The following MTMR3 variants were observed in gnomAD, a reference collection of about 807,000 sequenced individuals.
MTMR3 encodes the protein myotubularin related protein 3.
A neutral mutation model predicts 132.4 loss-of-function variants in MTMR3; 32 were observed. The observed-to-expected ratio is 0.24, with a 90% CI of 0.18 to 0.32. The LOEUF is 0.32. Among genes scored for constraint, MTMR3 ranks in the 10% least tolerant of loss-of-function variants. The probability of loss-of-function intolerance (pLI) is 1.00; values close to 1 mark genes in which losing one functional copy is unlikely to be tolerated. For missense variants in MTMR3, 1,216 were observed against 1,489.6 expected (o/e 0.82, Z 3.02); for synonymous variants, 556 against 550.3 (o/e 1.01, Z -0.14).
chr22:29,935,954 G>C (rs900846500), intron 1 of MTMR3, among the ~76,000 whole-genome samples: 1 of 151,762 alleles, frequency 6.6e-6, no homozygotes, highest in Non-Finnish European at 1.5e-5. Context: ...GGGTTTCACC[G>C]TATTAGCCAG....
intron 1 of MTMR3, among the ~76,000 whole-genome samples, chr22:29,918,576 T>C (rs190408955): frequency 4.6e-5 from 7 of 152,302 alleles, no homozygotes; most frequent in Admixed American, 2.0e-4. Flanking sequence ...GTAGATGTAG[T>C]GGTGAACAAG....
In MTMR3 at chr22:29,978,458, A is replaced by G; in HGVS notation, c.20A>G (p.His7Arg). 1.2e-6 allele frequency: 2 copies of G among 1,612,794 alleles called. No individual in the cohort carries two copies. Among genetic ancestry groups the G allele is most frequent in the Non-Finnish European group, 1.7e-6 (2 of 1,179,044 alleles). The change falls in exon 4 of 20, where the codon CAC (histidine) becomes CGC (arginine). Residue 7 changes from histidine (H) to arginine (R), a missense_variant. By Grantham distance (29) the His-to-Arg change is conservative. This residue lies in a region of MTMR3 where 81 missense variants were observed against 87.7 expected (regional missense o/e 0.92). Transcript: ENST00000401950. MDEETR[H>R]SLECIQANQI... is the part of the protein sequence containing the mutation. The stretch of plus-strand genomic sequence containing the variant: ...CTTTTCCAGGATGAAGAGACTCGGC[A>G]CAGCCTTGAGTGCATCCAGGCCAAT...
chr22:29,970,804 A>C (rs2066518011), intron 2 of MTMR3, among the ~76,000 whole-genome samples, 172 bp from the exon 3 acceptor site: 1 of 152,002 alleles, frequency 6.6e-6, no homozygotes, highest in Non-Finnish European at 1.5e-5. Flanking sequence ...GACTAGTGGG[A>C]ATTGGCTGGG....
chr22:29,896,869 T>TCA (rs61038012), intron 1 of MTMR3, among the ~76,000 whole-genome samples: 22,358 of 138,076 alleles, frequency 0.16, 1,922 homozygotes, highest in South Asian at 0.29. Context: ...CAGGCTTGTC[T>TCA]CACACACACA....
chr22:29,947,297 G>T (rs1433894865), intron 1 of MTMR3, among the ~76,000 whole-genome samples: 1 of 152,000 alleles, frequency 6.6e-6, no homozygotes, highest in Non-Finnish European at 1.5e-5. Context: ...TTAATTCACA[G>T]GCTTGTTGGC....
At chr22:30,011,308 GT>G (rs2067415538) in intron 12 of MTMR3, 1 of 152,204 alleles carries the variant, frequency 6.6e-6, no homozygotes, top group South Asian at 2.1e-4. Context: ...ATGCAACAGA[GT>G]TTAAAAAGCA....
rs138823197 is a variant in MTMR3, at chr22:30,019,592, C to T, written c.1933C>T (p.Arg645Trp). Residue 645 changes from arginine (R) to tryptophan (W), a missense_variant, in exon 17 of 20, where the codon CGG (arginine) becomes TGG (tryptophan). By Grantham distance (101) the Arg-to-Trp change is moderately radical. This residue lies in a region of MTMR3 where 852 missense variants were observed against 852.0 expected (regional missense o/e 1.00). Coordinates refer to ENST00000401950, the MANE Select transcript of MTMR3 (RefSeq NM_021090.4). ...CCTGAACGAGAAGTGGCAGGAGCAC[C>T]GGCGCTCACTAGAGCTGAGCAGCCT... ...PSLNEKWQEH[R>W]RSLELSSLAG... The T allele has an allele frequency of 3.1e-4, 497 of 1,613,820 alleles. No individual in the cohort carries two copies. The highest frequency in any genetic ancestry group is 6.0e-4 in the East Asian group (27 of 44,894).
At position 30,012,504 on chromosome 22, in the gene MTMR3, A is replaced by G. The variant is rs1278503980; in HGVS notation, c.1258A>G (p.Thr420Ala). ...ACACTGCTCAGATGGCTGGGACCGC[A>G]CCCCCCAGATTGTGGCATTGGCTAA... ...LVHCSDGWDR[T>A]PQIVALAKLL... is the part of the protein sequence containing the mutation. The change falls in exon 13 of 20, where the codon ACC becomes GCC. Residue 420 changes from threonine to alanine, a missense_variant. Thr to Ala is a moderately conservative substitution (Grantham distance 58, BLOSUM62 0). Transcript: ENST00000401950. 1 of 1,613,616 alleles carries G rather than the reference A, an allele frequency of 6.2e-7. No homozygotes were observed. Among genetic ancestry groups the G allele is most frequent in the Non-Finnish European group, 8.5e-7 (1 of 1,179,936 alleles).
intron 1 of MTMR3, among the ~76,000 whole-genome samples, chr22:29,891,722 C>CA (rs1229903359): frequency 6.6e-6 from 1 of 152,038 alleles, no homozygotes; most frequent in Non-Finnish European, 1.5e-5. Context: ...TGTGAGCCAC[C>CA]GTGCATATGT....
At chr22:29,936,348 T>A (rs2065749879) in intron 1 of MTMR3, among the ~76,000 whole-genome samples, 1 of 152,180 alleles carries the variant, frequency 6.6e-6, no homozygotes, top group African/African-American at 2.4e-5. Flanking sequence ...TCTTATCCGG[T>A]CAGCTTTTTG....
At chr22:30,009,242 C>T (rs1308677817) in intron 12 of MTMR3, 113 bp downstream of exon 12, 1 of 727,064 alleles carries the variant, frequency 1.4e-6, no homozygotes, top group Non-Finnish European at 2.3e-6. Flanking sequence ...AGCAGTCTTT[C>T]CTTCTGTTTC....
intron 5 of MTMR3, chr22:29,982,933 TTGTTTGTGTG>T (rs1318402032): frequency 1.1e-3 from 123 of 108,482 alleles, no homozygotes; most frequent in African/African-American, 5.0e-3. Flanking sequence ...GTTTAAAAGT[TTGTTTGTGTG>T]TGTGTGTGTG....
intron 1 of MTMR3, among the ~76,000 whole-genome samples, chr22:29,923,151 C>T (rs1341099848): frequency 2.6e-5 from 4 of 151,614 alleles, no homozygotes; most frequent in Non-Finnish European, 5.9e-5. Flanking sequence ...ACGCCATTCT[C>T]CTGCCTCAGC....
intron 1 of MTMR3, among the ~76,000 whole-genome samples, chr22:29,902,820 A>C: frequency 6.6e-6 from 1 of 152,248 alleles, no homozygotes; most frequent in East Asian, 1.9e-4. Context: ...CATAAAACTT[A>C]GGTTGATTAC....
chr22:29,886,361 TAATG>T (rs2064677260), intron 1 of MTMR3, among the ~76,000 whole-genome samples: 1 of 152,216 alleles, frequency 6.6e-6, no homozygotes, highest in African/African-American at 2.4e-5. Flanking sequence ...TTTTGAGTCT[TAATG>T]AATCTTAAGT....
At chr22:29,896,255 A>G (rs1350222749) in intron 1 of MTMR3, among the ~76,000 whole-genome samples, 3 of 152,228 alleles carry the variant, frequency 2.0e-5, no homozygotes, top group Non-Finnish European at 2.9e-5. Flanking sequence ...GGTTGCAGTG[A>G]GCCCAGATCA....
chr22:29,988,129 AT>A (rs2066893241), intron 5 of MTMR3: 1 of 157,944 alleles, frequency 6.3e-6, no homozygotes, highest in Non-Finnish European at 1.4e-5. Flanking sequence ...TTCAGCTTCT[AT>A]GTCATTGCAT....
intron 2 of MTMR3, among the ~76,000 whole-genome samples, chr22:29,962,000 C>G (rs2066321674): frequency 6.6e-6 from 1 of 152,226 alleles, no homozygotes; most frequent in Admixed American, 6.5e-5. Flanking sequence ...AGTAGACTGT[C>G]CCATCTAGGT....
At chr22:29,949,207 G>A (rs2066022882) in intron 1 of MTMR3, among the ~76,000 whole-genome samples, 1 of 135,494 alleles carries the variant, frequency 7.4e-6, no homozygotes, top group Non-Finnish European at 1.5e-5. Flanking sequence ...GTGCACGCGC[G>A]CCAGGCGTGG....
Sources: gnomAD v4.1 joint callset for allele counts (sites outside exome capture counted in the v4.1 genomes callset) on GRCh38, gnomAD v4.1.1 for gene constraint, gnomAD v4.1.1 regional missense constraint, MANE v1.5 for transcripts, NCBI Gene and HGNC (gene_info 2026-07-23, HGNC 2026-07-21) for gene names.